Variants in HMGCS1 observed in about 807,000 individuals in gnomAD.
HMGCS1 encodes the protein 3-hydroxy-3-methylglutaryl-CoA synthase 1.
A neutral mutation model predicts 52.3 loss-of-function variants in HMGCS1; 9 were observed. The ratio of observed to expected loss-of-function variants is 0.17; its 90% CI spans 0.10 to 0.30. The LOEUF (loss-of-function observed/expected upper bound fraction) is 0.30. Among genes scored for constraint, HMGCS1 ranks in the 10% least tolerant of loss-of-function variants. The pLI, the probability that HMGCS1 is intolerant of heterozygous loss-of-function variation, is 1.00. For synonymous variants in HMGCS1, 176 were observed against 214.4 expected (o/e 0.82, Z 1.57); for missense variants, 320 against 620.9 (o/e 0.52, Z 5.15).
In HMGCS1 at chr5:43,298,372, C is replaced by T; in HGVS notation, c.448+146G>A. The T allele has an allele frequency of 1.5e-6, 1 of 685,236 alleles. No individual in the cohort carries two copies. The highest frequency in any genetic ancestry group is 2.4e-6 in the Non-Finnish European group (1 of 412,672). 42.4% of individuals were successfully genotyped at this position (685,236 alleles called of 1,614,324 possible). A position where few individuals can be genotyped will look rare whatever the true frequency, so the allele number is the denominator to read the frequency against. Reference sequence around the variant, plus strand: ...AACCAATTCACAATTCGGATAATGACAGACAGGTAAAATATCTTTCTTAAT... The same window carrying T: ...AACCAATTCACAATTCGGATAATGATAGACAGGTAAAATATCTTTCTTAAT... On this transcript the variant is annotated intron_variant, in intron 3 of 10. Coordinates refer to ENST00000325110, the MANE Select transcript of HMGCS1 (RefSeq NM_001098272.3). This position sits in a 1 kb window ranked among gnomAD's most constrained non-coding sequence, Gnocchi z 5.6.
intron 2 of HMGCS1, among the ~76,000 whole-genome samples, chr5:43,299,987 C>T (rs998169551): frequency 6.6e-6 from 1 of 152,188 alleles, no homozygotes; most frequent in African/African-American, 2.4e-5. Context: ...ATCCCATGAG[C>T]CTGCACTCCT....
rs1754173865 is a variant in HMGCS1, at chr5:43,299,024, T to C, written c.-10-49A>G. On this transcript the variant is annotated intron_variant, in intron 2 of 10. Transcript: ENST00000325110. ...AAAATTGTTTTAGGTTATAAGTTGCTGGTTTTCAACTTTGAAATTGAGAAA... is the reference window on the plus strand; with the variant it reads ...AAAATTGTTTTAGGTTATAAGTTGCCGGTTTTCAACTTTGAAATTGAGAAA... 32 of 1,376,268 alleles carry C rather than the reference T, an allele frequency of 2.3e-5. No individual in the cohort carries two copies. In the South Asian group the frequency reaches 4.3e-4, roughly 18 times the overall value. The allele number at this position is 1,376,268 out of a possible 1,614,324, so 85.3% of individuals were successfully genotyped here.
intron 8 of HMGCS1, 111 bp downstream of exon 8, chr5:43,293,945 C>T (rs1396468328): frequency 2.9e-6 from 2 of 691,516 alleles, no homozygotes; most frequent in Non-Finnish European, 5.3e-6. Context: ...GAACTCCTGA[C>T]CTCAGGTGAT....
chr5:43,309,797 T>C (rs1754769486), intron 1 of HMGCS1, among the ~76,000 whole-genome samples: 1 of 152,186 alleles, frequency 6.6e-6, no homozygotes, highest in Admixed American at 6.5e-5. Context: ...CCAGGCAGGT[T>C]ACCACAAAGC....
intron 2 of HMGCS1, among the ~76,000 whole-genome samples, chr5:43,302,800 C>T (rs947251994): frequency 6.6e-6 from 1 of 152,148 alleles, no homozygotes; most frequent in Admixed American, 6.6e-5. Context: ...AAGGCCAGCA[C>T]CAAAACCTTC....
chr5:43,305,638 C>T (rs190604666), intron 2 of HMGCS1, among the ~76,000 whole-genome samples: 2 of 151,746 alleles, frequency 1.3e-5, no homozygotes, highest in East Asian at 3.9e-4. Flanking sequence ...GTTTTGGTGG[C>T]GGGCAACAGT....
intron 5 of HMGCS1, 80 bp downstream of exon 5, chr5:43,296,922 G>A (rs1294407185): frequency 6.1e-6 from 6 of 982,262 alleles, no homozygotes; most frequent in Non-Finnish European, 9.1e-6. Context: ...TGCCCACAAA[G>A]TAGTTGCCTA....
chr5:43,294,720 T>C lies in HMGCS1; in HGVS notation c.1047A>G (p.Val349=). Residue 349 remains valine, a synonymous_variant, in exon 7 of 11, where the codon GTA becomes GTG. Coordinates refer to ENST00000325110, the MANE Select transcript of HMGCS1 (RefSeq NM_001098272.3). ...CTAGAACAGATGCAAGGGAACCATA[T>C]ACTGAAGATGTGTACATATTTCCAT... The part of the protein sequence containing the change: ...NQNGNMYTSS[V]YGSLASVLAQ... The C allele has an allele frequency of 1.9e-6, 3 of 1,611,344 alleles. No individual in the cohort carries two copies. Among genetic ancestry groups the C allele is most frequent in the Non-Finnish European group, 2.5e-6 (3 of 1,178,330 alleles).
rs1170148287 is a variant in HMGCS1 at position 43,289,532 on chromosome 5, C to T, written c.*1599G>A. On this transcript the variant is annotated 3_prime_UTR_variant, in exon 11 of 11. Transcript: ENST00000325110. ...TTTGAGAAAACCCATTTCCTGGCAC[C>T]CAAAAGTTAAATTACTCTTTTCAAA... is the stretch of plus-strand genomic sequence containing the variant. The T allele has an allele frequency of 6.6e-6, 1 of 152,490 alleles. No homozygotes were observed. The highest frequency in any genetic ancestry group is 1.9e-4 in the East Asian group (1 of 5,196). 9.4% of individuals were successfully genotyped at this position (152,490 alleles called of 1,614,324 possible).
intron 2 of HMGCS1, among the ~76,000 whole-genome samples, chr5:43,301,343 C>T (rs549679519): frequency 1.3e-5 from 2 of 152,226 alleles, no homozygotes; most frequent in Admixed American, 1.3e-4. Context: ...ATGTTGAGGG[C>T]TTCAAATTTA....
chr5:43,298,321 A>C lies in HMGCS1; in HGVS notation c.449-187T>G. ...TCATCCATCTGACTAAATTTTGAAT[A>C]GACCATTTGTCCTACAAGATAAGAT... On this transcript the variant is annotated intron_variant, in intron 3 of 10. Transcript: ENST00000325110. This position sits in a 1 kb window ranked among gnomAD's most constrained non-coding sequence, Gnocchi z 5.6. The C allele has an allele frequency of 1.5e-6, 1 of 668,412 alleles. No homozygotes were observed. Among genetic ancestry groups the C allele is most frequent in the East Asian group, 2.7e-5 (1 of 36,558 alleles). The allele number at this position is 668,412 out of a possible 1,614,324, so 41.4% of individuals were successfully genotyped here.
rs767141241 is a variant in HMGCS1 at position 43,298,130 on chromosome 5, C to T, written c.453G>A (p.Arg151=). 3.1e-6 allele frequency: 5 copies of T among 1,605,002 alleles called. No individual in the cohort carries two copies. In the African/African-American group the frequency reaches 6.7e-5, roughly 22 times the overall value. The change falls in exon 4 of 11, where the codon CGG becomes CGA. Residue 151 remains arginine, a synonymous_variant. Transcript: ENST00000325110. This position sits in a 1 kb window ranked among gnomAD's most constrained non-coding sequence, Gnocchi z 5.6. ...TATCTCCTGCAACTACCAGGGCATA[C>T]CGTCCTGAAAAATATTTTTTGTTAT... ...NWIESSSWDG[R]YALVVAGDIA...
At chr5:43,292,706 A>G (rs9292869) in intron 9 of HMGCS1, 69 bp from the exon 10 acceptor site, 35,613 of 1,514,996 alleles carry the variant, frequency 0.024, 1,280 homozygotes, top group African/African-American at 0.16. Context: ...AAAGCTAAAG[A>G]TAAGTTTCAT....
Position 43,290,728 on chromosome 5 carries a change from CTTG to C in HMGCS1, c.*400_*402del. On this transcript the variant is annotated 3_prime_UTR_variant, in exon 11 of 11. Transcript: ENST00000325110. ...AAAAACCACAGGTACTTTCTGTAATCTTGTTGTTCAAAGTACAAAATTCTTACA... is the reference window on the plus strand; with the variant it reads ...AAAAACCACAGGTACTTTCTGTAATCTTGTTCAAAGTACAAAATTCTTACA... 1 of 156,984 alleles carries C rather than the reference CTTG, an allele frequency of 6.4e-6. No homozygotes were observed. Among genetic ancestry groups the C allele is most frequent in the Admixed American group, 6.3e-5 (1 of 15,750 alleles). The allele number at this position is 156,984 out of a possible 1,614,324, so 9.7% of individuals were successfully genotyped here.
rs1027879757 is a variant in HMGCS1 at position 43,288,942 on chromosome 5, G to A, written c.*2189C>T. ...CCCCTGGGGATCACTAGCAACATGG[G>A]ACTTTTAGGTTGGAGACTCTAGCTG... On this transcript the variant is annotated 3_prime_UTR_variant, in exon 11 of 11. Transcript: ENST00000325110. The A allele has an allele frequency of 6.6e-6, 1 of 152,120 alleles. No individual in the cohort carries two copies. The highest frequency in any genetic ancestry group is 1.5e-5 in the Non-Finnish European group (1 of 68,026). The allele number at this position is 152,120 out of a possible 1,614,324, so 9.4% of individuals were successfully genotyped here. A position where few individuals can be genotyped will look rare whatever the true frequency, so the allele number is the denominator to read the frequency against.
At chr5:43,292,388 T>TGAA in intron 10 of HMGCS1, 86 bp downstream of exon 10, 2 of 1,153,984 alleles carry the variant, frequency 1.7e-6, no homozygotes, top group Non-Finnish European at 2.5e-6. Flanking sequence ...GCCCTTACTC[T>TGAA]TCTTTACTGA....
At chr5:43,311,203 G>A (rs530991968) in intron 1 of HMGCS1, among the ~76,000 whole-genome samples, 25 of 151,906 alleles carry the variant, frequency 1.6e-4, no homozygotes, top group African/African-American at 5.1e-4. Context: ...GGCACATGCC[G>A]GTAGTCCCAG....
chr5:43,306,304 GA>G (rs1180360765), intron 2 of HMGCS1, among the ~76,000 whole-genome samples: 1 of 152,150 alleles, frequency 6.6e-6, no homozygotes, highest in Non-Finnish European at 1.5e-5. Context: ...CTGGAAAGGG[GA>G]AAAAAGGGGG....
At chr5:43,311,816 C>T (rs753040586) in intron 1 of HMGCS1, among the ~76,000 whole-genome samples, 1 of 152,112 alleles carries the variant, frequency 6.6e-6, no homozygotes, top group Admixed American at 6.5e-5. Flanking sequence ...ATAAAATATC[C>T]TTTTACACTC....
Sources: allele counts gnomAD v4.1 joint callset (sites outside exome capture counted in the v4.1 genomes callset), GRCh38; gene constraint gnomAD v4.1.1; non-coding constraint Gnocchi (gnomAD v3.1); transcripts MANE v1.5; gene names NCBI Gene and HGNC (gene_info 2026-07-23, HGNC 2026-07-21).